SMARCAL1: variants seen among roughly 807,000 people sequenced by gnomAD.
SMARCAL1 encodes the protein ATP-driven annealing helicase.
Under a neutral mutation model 94.5 loss-of-function variants are expected in SMARCAL1, and 58 were observed. The observed-to-expected ratio is 0.61, with a 90% CI of 0.50 to 0.76. The LOEUF is 0.76. SMARCAL1 is among the 30% of genes least tolerant of loss of function. The probability of loss-of-function intolerance (pLI) is 0.00; values close to 1 mark genes in which losing one functional copy is unlikely to be tolerated. For missense variants in SMARCAL1, 1,051 were observed against 1,177.9 expected (o/e 0.89, Z 1.58); for synonymous variants, 422 against 455.1 (o/e 0.93, Z 0.93).
intron 9 of SMARCAL1, among the ~76,000 whole-genome samples, chr2:216,436,055 G>C (rs1304707025): frequency 1.3e-5 from 2 of 152,098 alleles, no homozygotes; most frequent in Non-Finnish European, 2.9e-5. Flanking sequence ...TGCAACCTCT[G>C]CCTCCCGGGT....
At chr2:216,442,243 C>T (rs766023967) in intron 10 of SMARCAL1, among the ~76,000 whole-genome samples, 18 of 151,910 alleles carry the variant, frequency 1.2e-4, no homozygotes, top group Non-Finnish European at 2.1e-4. Flanking sequence ...ATGGCGAAAC[C>T]CCATCTCTAC....
chr2:216,450,118 GGGATTACAGGCGTGA>G (rs1694412517), intron 11 of SMARCAL1, among the ~76,000 whole-genome samples: 1 of 152,142 alleles, frequency 6.6e-6, no homozygotes, highest in Non-Finnish European at 1.5e-5. Context: ...CCAAAGTGCT[GGGATTACAGGCGTGA>G]GCCACTGCGT....
chr2:216,418,649 A>G (rs1238791514), intron 4 of SMARCAL1, among the ~76,000 whole-genome samples: 1 of 152,232 alleles, frequency 6.6e-6, no homozygotes, highest in Non-Finnish European at 1.5e-5. Flanking sequence ...TGAAGAAGAA[A>G]AACCATCCCC....
chr2:216,449,429 A>T (rs1289781922), intron 11 of SMARCAL1, among the ~76,000 whole-genome samples: 1 of 151,842 alleles, frequency 6.6e-6, no homozygotes, highest in Admixed American at 6.6e-5. Context: ...TTCATGCATT[A>T]AGAAACCACT....
At chr2:216,430,118 A>AG (rs1187994955) in intron 7 of SMARCAL1, among the ~76,000 whole-genome samples, 1 of 152,068 alleles carries the variant, frequency 6.6e-6, no homozygotes, top group Non-Finnish European at 1.5e-5. Flanking sequence ...ATTACCCCTG[A>AG]GAGAGGCTCT....
intron 14 of SMARCAL1, among the ~76,000 whole-genome samples, chr2:216,471,320 CAT>C (rs1003635663): frequency 6.6e-5 from 10 of 151,756 alleles, no homozygotes; most frequent in African/African-American, 2.4e-4. Flanking sequence ...TACCTAAACA[CAT>C]GTATTTTTTC....
intron 14 of SMARCAL1, among the ~76,000 whole-genome samples, chr2:216,470,634 T>C (rs1225871318): frequency 1.3e-5 from 2 of 151,608 alleles, no homozygotes; most frequent in Non-Finnish European, 2.9e-5. Flanking sequence ...ACCTCAGGAA[T>C]GTACCACCAC....
chr2:216,443,109 T>A lies in SMARCAL1; in HGVS notation c.1711-3909T>A, dbSNP rs895327184. 2.6e-5 allele frequency among the ~76,000 whole-genome samples: 4 copies of A among 152,274 alleles called. No individual in the cohort carries two copies. In the South Asian group the frequency reaches 6.2e-4, roughly 24 times the overall value. ...AAAATCTACCTTAGGCCGGGCGCAG[T>A]GGCTCATGTCTGTAATCCTACCACT... is the stretch of plus-strand genomic sequence containing the variant. On this transcript the variant is annotated intron_variant, in intron 10 of 17. Transcript: ENST00000357276.
chr2:216,432,762 T>C lies in SMARCAL1; in HGVS notation c.1379T>C (p.Met460Thr). The change falls in exon 8 of 18, where the codon ATG (methionine) becomes ACG (threonine). Residue 460 changes from methionine to threonine, a missense_variant. By Grantham distance (81) the Met-to-Thr change is moderately conservative. Transcript: ENST00000357276. ...GGCCGCCTGCTGCTCGCTGACGACA[T>C]GGGCCTGGGGAAGACCATCCAAGCC... The part of the protein sequence containing the change: ...KGGRLLLADD[M>T]GLGKTIQAIC... The C allele has an allele frequency of 1.2e-6, 2 of 1,614,164 alleles. No homozygotes were observed. The highest frequency in any genetic ancestry group is 1.7e-6 in the Non-Finnish European group (2 of 1,180,034).
chr2:216,427,268 CTT>C (rs1693855960), intron 6 of SMARCAL1: 1 of 152,220 alleles, frequency 6.6e-6, no homozygotes, highest in South Asian at 2.1e-4. Flanking sequence ...GGAATGGTGT[CTT>C]TCTCAGGAAC....
intron 7 of SMARCAL1, among the ~76,000 whole-genome samples, chr2:216,431,158 C>T (rs763406715): frequency 6.6e-6 from 1 of 152,242 alleles, no homozygotes; most frequent in Non-Finnish European, 1.5e-5. Context: ...TGGCTTCGGG[C>T]TGCCTGGGGA....
rs1457333215 is a variant in SMARCAL1 at position 216,428,760 on chromosome 2, C to T, written c.1312C>T (p.Pro438Ser). 1.2e-6 allele frequency: 2 copies of T among 1,613,986 alleles called. No homozygotes were observed. Among genetic ancestry groups the T allele is most frequent in the East Asian group, 2.2e-5 (1 of 44,898 alleles). Residue 438 changes from proline (P) to serine (S), a missense_variant, in exon 7 of 18, where the codon CCC becomes TCC. By Grantham distance (74) the Pro-to-Ser change is moderately conservative. Transcript: ENST00000357276. ...CCCCAAGCTCGTGTCTAATCTGATGCCCTTTCAGAGAGCTGGAGTCAAGTA... is the reference window on the plus strand; with the variant it reads ...CCCCAAGCTCGTGTCTAATCTGATGTCCTTTCAGAGAGCTGGAGTCAAGTA... ...VDPKLVSNLM[P>S]FQRAGVNFAI...
chr2:216,445,098 C>T (rs1694278764), intron 10 of SMARCAL1, among the ~76,000 whole-genome samples: 1 of 152,156 alleles, frequency 6.6e-6, no homozygotes, highest in African/African-American at 2.4e-5. Context: ...GGGGAGTTCA[C>T]TGTAAACTGT....
intron 5 of SMARCAL1, among the ~76,000 whole-genome samples, chr2:216,420,985 G>C (rs1016241994): frequency 5.9e-5 from 9 of 152,212 alleles, no homozygotes; most frequent in Non-Finnish European, 1.3e-4. Flanking sequence ...TGGAGTTTCT[G>C]ATTCTGGAAC....
At chr2:216,440,965 A>G (rs1694186748) in intron 10 of SMARCAL1, among the ~76,000 whole-genome samples, 1 of 152,162 alleles carries the variant, frequency 6.6e-6, no homozygotes, top group Non-Finnish European at 1.5e-5. Flanking sequence ...CCCCATGGAG[A>G]ACCACCAATC....
intron 10 of SMARCAL1, among the ~76,000 whole-genome samples, chr2:216,442,961 G>C (rs1336170718): frequency 6.6e-6 from 1 of 152,170 alleles, no homozygotes; most frequent in Non-Finnish European, 1.5e-5. Flanking sequence ...TGAGGCTATA[G>C]AAGTCCCCTG....
chr2:216,478,005 T>C (rs987615600), intron 16 of SMARCAL1, among the ~76,000 whole-genome samples, 198 bp from the exon 17 acceptor site: 6 of 152,218 alleles, frequency 3.9e-5, no homozygotes, highest in Admixed American at 3.3e-4. Flanking sequence ...CCTGATGATA[T>C]TCTTAGCCCT....
chr2:216,428,554 G>T, intron 6 of SMARCAL1, 42 bp from the exon 7 acceptor site: 1 of 1,591,902 alleles, frequency 6.3e-7, no homozygotes, highest in African/African-American at 1.3e-5. Context: ...AATCTTTTGG[G>T]CATGAACACT....
Position 216,482,628 on chromosome 2 carries a change from G to T in SMARCAL1, c.2626-110G>T. 1 of 1,480,974 alleles carries T rather than the reference G, an allele frequency of 6.8e-7. No homozygotes were observed. Among genetic ancestry groups the T allele is most frequent in the Non-Finnish European group, 9.4e-7 (1 of 1,062,062 alleles). The allele number at this position is 1,480,974 out of a possible 1,614,324, so 91.7% of individuals were successfully genotyped here. On this transcript the variant is annotated intron_variant, in intron 17 of 17. Transcript: ENST00000357276. This position sits in a 1 kb window ranked among gnomAD's most constrained non-coding sequence, Gnocchi z 4.3. Reference sequence around the variant, plus strand: ...CCATCGTGTAGCTCCCTGACACCATGAAATGTGTGGTCTCTCATCTTTATA... The same window carrying T: ...CCATCGTGTAGCTCCCTGACACCATTAAATGTGTGGTCTCTCATCTTTATA...
Sources: gnomAD v4.1 joint callset for allele counts (sites outside exome capture counted in the v4.1 genomes callset) on GRCh38, gnomAD v4.1.1 for gene constraint, Gnocchi (gnomAD v3.1) non-coding constraint, MANE v1.5 for transcripts, NCBI Gene and HGNC (gene_info 2026-07-23, HGNC 2026-07-21) for gene names.